The following ARNT variants were observed in gnomAD, a reference collection of about 807,000 sequenced individuals.
ARNT encodes class E basic helix-loop-helix protein 2.
A neutral mutation model predicts 105.0 loss-of-function variants in ARNT; 30 were observed. The observed-to-expected ratio is 0.29, with a 90% CI of 0.21 to 0.39. ARNT has a LOEUF of 0.39. Among genes scored for constraint, ARNT ranks in the 10% least tolerant of loss-of-function variants. ARNT has a pLI of 1.00. For missense variants in ARNT, 748 were observed against 978.7 expected, an observed-to-expected ratio of 0.76 and a Z score of 3.15; for synonymous variants, 304 against 344.0, an observed-to-expected ratio of 0.88 and a Z score of 1.29.
chr1:150,840,891 T>C (rs915088866), intron 5 of ARNT, among the ~76,000 whole-genome samples: 5 of 151,988 alleles, frequency 3.3e-5, no homozygotes, highest in African/African-American at 1.2e-4. Flanking sequence ...GAGATAATCA[T>C]GCAACATGCT....
At chr1:150,856,714 GAT>G (rs1664681539) in intron 2 of ARNT, among the ~76,000 whole-genome samples, 1 of 152,154 alleles carries the variant, frequency 6.6e-6, no homozygotes, top group Non-Finnish European at 1.5e-5. Context: ...AGTGAGCCAA[GAT>G]CACACCACTG....
intron 2 of ARNT, among the ~76,000 whole-genome samples, chr1:150,853,689 T>C (rs916387052): frequency 2.0e-5 from 3 of 152,068 alleles, no homozygotes; most frequent in Admixed American, 6.6e-5. Context: ...CCTAGAGAAA[T>C]ACAAATATAA....
At position 150,823,463 on chromosome 1, in the gene ARNT, T is replaced by C. The variant is rs587752019; in HGVS notation, c.1243-118A>G. The stretch of plus-strand genomic sequence containing the variant: ...CTTGTCATTGTCCTTGAGGCACCAA[T>C]ATTTTTCAATATTAAAACAAAATGA... On this transcript the variant is annotated intron_variant, in intron 13 of 21. Transcript: ENST00000358595. 5.1e-5 allele frequency: 44 copies of C among 870,788 alleles called. No individual in the cohort carries two copies. The South Asian group carries it at 8.5e-4, about 17-fold the overall frequency. 53.9% of individuals were successfully genotyped at this position (870,788 alleles called of 1,614,324 possible). A position where few individuals can be genotyped will look rare whatever the true frequency, so the allele number is the denominator to read the frequency against.
At chr1:150,866,255 T>C (rs1334850507) in intron 1 of ARNT, among the ~76,000 whole-genome samples, 1 of 107,176 alleles carries the variant, frequency 9.3e-6, no homozygotes, top group Admixed American at 1.1e-4. Flanking sequence ...AATGCTGGGA[T>C]TACAGGCGTG....
At position 150,834,659 on chromosome 1, in the gene ARNT, A is replaced by G; in HGVS notation, c.701-19T>C. The G allele has an allele frequency of 6.2e-7, 1 of 1,608,588 alleles. No homozygotes were observed. The highest frequency in any genetic ancestry group is 1.1e-5 in the South Asian group (1 of 90,948). On this transcript the variant is annotated intron_variant, in intron 7 of 21. Coordinates refer to ENST00000358595, the MANE Select transcript of ARNT (RefSeq NM_001668.4). ...ATACGCCCTGAAGGAAGATGTGAAG[A>G]GCAGTCTGGAGTGCATTTTTGTGTG...
intron 1 of ARNT, 147 bp from the exon 2 acceptor site, chr1:150,858,607 CTCT>C (rs200240347): frequency 0.014 from 8,726 of 618,474 alleles, 114 homozygotes; most frequent in Non-Finnish European, 0.018. Flanking sequence ...ATCCAGATTG[CTCT>C]TCTTGATTTT....
chr1:150,853,293 G>T, intron 2 of ARNT: 1 of 374,296 alleles, frequency 2.7e-6, no homozygotes, highest in Non-Finnish European at 5.2e-6. Context: ...AAAAAAAAAA[G>T]TACAAAACTG....
intron 1 of ARNT, among the ~76,000 whole-genome samples, chr1:150,873,675 T>A (rs1047290611): frequency 2.0e-5 from 3 of 152,014 alleles, no homozygotes; most frequent in African/African-American, 7.3e-5. Context: ...TCCCAGCAGT[T>A]TAGGAGGCTA....
At chr1:150,866,240 C>T (rs371971592) in intron 1 of ARNT, among the ~76,000 whole-genome samples, 2 of 149,694 alleles carry the variant, frequency 1.3e-5, no homozygotes, top group East Asian at 3.9e-4. Flanking sequence ...GCCTCAGCCT[C>T]CCAAAATGCT....
In ARNT at chr1:150,842,544, A is replaced by G. The variant is rs1661482477; in HGVS notation, c.228-76T>C. On this transcript the variant is annotated intron_variant, in intron 4 of 21. Transcript: ENST00000358595. Reference sequence around the variant, plus strand: ...AGGAAGGGGGGAGGGAGGAAGGGAAAAAAGGAAGGAGGGAGGGAGAGGAAA... The same window carrying G: ...AGGAAGGGGGGAGGGAGGAAGGGAAGAAAGGAAGGAGGGAGGGAGAGGAAA... 6.1e-6 allele frequency: 8 copies of G among 1,320,238 alleles called. No homozygotes were observed. In the South Asian group the frequency reaches 7.4e-5, roughly 12 times the overall value. 81.8% of individuals were successfully genotyped at this position (1,320,238 alleles called of 1,614,324 possible).
intron 2 of ARNT, among the ~76,000 whole-genome samples, chr1:150,857,373 T>C (rs1179953247): frequency 1.3e-5 from 2 of 152,224 alleles, no homozygotes; most frequent in African/African-American, 4.8e-5. Flanking sequence ...CTAAGGTTCA[T>C]ATCCTATATC....
At chr1:150,852,285 T>G (rs1571407987) in intron 3 of ARNT, among the ~76,000 whole-genome samples, 1 of 152,290 alleles carries the variant, frequency 6.6e-6, no homozygotes, top group East Asian at 1.9e-4. Flanking sequence ...GATAAGCACT[T>G]GCACACTGGG....
chr1:150,844,028 A>G (rs1447285920), intron 4 of ARNT, among the ~76,000 whole-genome samples: 1 of 152,194 alleles, frequency 6.6e-6, no homozygotes, highest in Non-Finnish European at 1.5e-5. Context: ...GAAAACCAAA[A>G]TCATTCATGC....
At chr1:150,827,910 A>G (rs1211682360) in intron 12 of ARNT, among the ~76,000 whole-genome samples, 2 of 152,316 alleles carry the variant, frequency 1.3e-5, no homozygotes, top group East Asian at 3.9e-4. Context: ...GCACTTTCCT[A>G]ATGGTAAAAA....
chr1:150,869,776 C>T (rs1385329425), intron 1 of ARNT, among the ~76,000 whole-genome samples: 1 of 151,964 alleles, frequency 6.6e-6, no homozygotes, highest in Non-Finnish European at 1.5e-5. Context: ...TGGTCTCCAA[C>T]TCCTGGGCTT....
intron 3 of ARNT, among the ~76,000 whole-genome samples, chr1:150,848,549 T>C (rs1662695197): frequency 6.6e-6 from 1 of 152,186 alleles, no homozygotes; most frequent in Admixed American, 6.5e-5. Flanking sequence ...TTGTTGTTTT[T>C]CTTTTTTGAG....
chr1:150,837,522 T>G (rs1660541262), intron 6 of ARNT, among the ~76,000 whole-genome samples: 2 of 152,204 alleles, frequency 1.3e-5, no homozygotes, highest in African/African-American at 2.4e-5. Flanking sequence ...TCTTATCCTT[T>G]AAATTTTATT....
chr1:150,845,165 A>T (rs1314511561), intron 4 of ARNT, among the ~76,000 whole-genome samples: 2 of 152,104 alleles, frequency 1.3e-5, no homozygotes, highest in Non-Finnish European at 2.9e-5. Context: ...CTATGCATAT[A>T]ATCCCAATAT....
At chr1:150,876,189 A>T (rs1381659566) in intron 1 of ARNT, among the ~76,000 whole-genome samples, 9 of 152,362 alleles carry the variant, frequency 5.9e-5, no homozygotes, top group African/African-American at 2.2e-4. Context: ...AGTTTTCGGC[A>T]TCAAGCGGCT....
Sources: allele counts gnomAD v4.1 joint callset (sites outside exome capture counted in the v4.1 genomes callset), GRCh38; gene constraint gnomAD v4.1.1; transcripts MANE v1.5; gene names NCBI Gene and HGNC (gene_info 2026-07-23, HGNC 2026-07-21).